The following NLRP14 variants were observed in gnomAD, a reference collection of about 807,000 sequenced individuals.
NLRP14 encodes the protein NLR family pyrin domain containing 14.
NLRP14 carries 105 observed loss-of-function variants against 94.7 expected under a neutral mutation model. That is an observed-to-expected ratio of 1.11 (90% CI 0.95 to 1.30). The LOEUF (loss-of-function observed/expected upper bound fraction) is 1.30. Among genes scored for constraint, NLRP14 ranks in the 50% most tolerant of loss-of-function variants. The pLI is 0.00. For synonymous variants in NLRP14, 508 were observed against 459.9 expected (o/e 1.10, Z -1.34); for missense variants, 1,362 against 1,254.1 (o/e 1.09, Z -1.30).
chr11:7,067,218 GT>G (rs1204124616), intron 10 of NLRP14, among the ~76,000 whole-genome samples: 8 of 152,088 alleles, frequency 5.3e-5, no homozygotes, highest in African/African-American at 1.9e-4. Flanking sequence ...ATTTAAAGTA[GT>G]TTTTTCTAAT....
intron 9 of NLRP14, 59 bp downstream of exon 9, chr11:7,060,123 A>G: frequency 1.4e-6 from 2 of 1,433,284 alleles, no homozygotes; most frequent in South Asian, 2.3e-5. Context: ...CTGGGGAGAT[A>G]CTGAAAGAAA....
At chr11:7,077,873 C>T in the NLRP14 span, among the ~76,000 whole-genome samples, 1 of 151,982 alleles carries the variant, frequency 6.6e-6, no homozygotes, top group Non-Finnish European at 1.5e-5. Flanking sequence ...GGGACACAGC[C>T]AAACCATATC....
At chr11:7,051,086 T>C (rs574627775) in intron 6 of NLRP14, among the ~76,000 whole-genome samples, 1 of 152,356 alleles carries the variant, frequency 6.6e-6, no homozygotes, top group South Asian at 2.1e-4. Context: ...TGTCGTCCGC[T>C]GGTAAGCCTT....
chr11:7,054,404 T>TTTACATAATAGTAGCA (rs1172137113), intron 6 of NLRP14, among the ~76,000 whole-genome samples: 1 of 152,154 alleles, frequency 6.6e-6, no homozygotes, highest in African/African-American at 2.4e-5. Flanking sequence ...ATAATAGTTG[T>TTTACATAATAGTAGCA]GTTAATTTAC....
At chr11:7,038,408 A>G (rs1402035546) in intron 1 of NLRP14, among the ~76,000 whole-genome samples, 158 bp from the exon 2 acceptor site, 2 of 152,236 alleles carry the variant, frequency 1.3e-5, no homozygotes, top group Non-Finnish European at 2.9e-5. Context: ...GAAAGAAGAT[A>G]TATTACAGAG....
chr11:7,087,420 C>G, the NLRP14 span, among the ~76,000 whole-genome samples: 1,559 of 152,082 alleles, frequency 0.01, 23 homozygotes, highest in African/African-American at 0.033. Flanking sequence ...AATAAATGCC[C>G]TCCTTTTTCC....
chr11:7,026,249 C>A (rs1852012639), intron 1 of NLRP14, among the ~76,000 whole-genome samples: 1 of 152,062 alleles, frequency 6.6e-6, no homozygotes, highest in South Asian at 2.1e-4. Flanking sequence ...TTTTCGCAAC[C>A]TACTCATCTG....
chr11:7,042,066 A>T (rs10160485), intron 3 of NLRP14, among the ~76,000 whole-genome samples: 1 of 150,676 alleles, frequency 6.6e-6, no homozygotes, highest in African/African-American at 2.4e-5. Context: ...CTCCACATCT[A>T]TTATCTTTTT....
the NLRP14 span, among the ~76,000 whole-genome samples, chr11:7,086,529 A>C: frequency 0.031 from 4,711 of 152,342 alleles, 134 homozygotes; most frequent in East Asian, 0.13. Flanking sequence ...ATATTGCTTA[A>C]AGGCAGAATT....
intron 11 of NLRP14, among the ~76,000 whole-genome samples, chr11:7,070,715 A>G (rs950670499): frequency 1.3e-5 from 2 of 152,180 alleles, no homozygotes; most frequent in Non-Finnish European, 2.9e-5. Flanking sequence ...AATTAAGGCT[A>G]GTCCCCCATC....
At chr11:7,070,158 T>TTATACTAACTG in intron 10 of NLRP14, 128 bp from the exon 11 acceptor site, 1 of 701,442 alleles carries the variant, frequency 1.4e-6, no homozygotes, top group East Asian at 2.7e-5. Context: ...GTCCTTGAAT[T>TTATACTAACTG]TATACTAACT....
chr11:7,068,528 T>C (rs1466060282), intron 10 of NLRP14, among the ~76,000 whole-genome samples: 2 of 152,234 alleles, frequency 1.3e-5, no homozygotes, highest in Non-Finnish European at 2.9e-5. Context: ...CTTTTCTTTT[T>C]ATATTCAGTC....
In NLRP14 at chr11:7,038,603, C is replaced by G. The variant is rs1192212589; in HGVS notation, c.17C>G (p.Ser6Ter). The change falls in exon 2 of 12, where the codon TCA (serine) becomes TGA (stop). Residue 6 changes from serine (S) to a stop codon, truncating the protein, a stop_gained. Coordinates refer to ENST00000299481, the MANE Select transcript of NLRP14 (RefSeq NM_176822.4). LOFTEE classifies it high-confidence loss of function. ...TTGGACAAGATGGCAGATTCATCAT[C>G]ATCTTCTTTCTTTCCTGATTTTGGG... is the stretch of plus-strand genomic sequence containing the variant. MADSS[S>*]SSFFPDFGLL... is the part of the protein sequence containing the mutation. 1 of 1,613,922 alleles carries G rather than the reference C, an allele frequency of 6.2e-7. No homozygotes were observed. The highest frequency in any genetic ancestry group is 8.5e-7 in the Non-Finnish European group (1 of 1,179,992).
At chr11:7,070,503 G>C (rs769581895) in intron 11 of NLRP14, 47 bp downstream of exon 11, 35 of 1,378,504 alleles carry the variant, frequency 2.5e-5, no homozygotes, top group Non-Finnish European at 3.5e-5. Context: ...TATAATGAGG[G>C]ATTTGGGGAG....
At chr11:7,069,913 CA>C (rs1852766081) in intron 10 of NLRP14, among the ~76,000 whole-genome samples, 1 of 152,188 alleles carries the variant, frequency 6.6e-6, no homozygotes, top group Non-Finnish European at 1.5e-5. Context: ...AGGCATGAGC[CA>C]CCATGCCTGG....
At chr11:7,053,835 T>C (rs1251709134) in intron 6 of NLRP14, among the ~76,000 whole-genome samples, 1 of 152,126 alleles carries the variant, frequency 6.6e-6, no homozygotes, top group East Asian at 1.9e-4. Context: ...TATTTTAAAA[T>C]GTACAATTAT....
intron 5 of NLRP14, among the ~76,000 whole-genome samples, chr11:7,047,768 C>T (rs7940101): frequency 0.87 from 112,866 of 129,394 alleles, 48,546 homozygotes; most frequent in Admixed American, 0.93. Flanking sequence ...CTTTTCTTTT[C>T]TTTTTTTTTT....
chr11:7,021,204 A>G (rs2119531041), intron 1 of NLRP14, among the ~76,000 whole-genome samples: 1 of 152,356 alleles, frequency 6.6e-6, no homozygotes, highest in South Asian at 2.1e-4. Context: ...TCAGCTTAAT[A>G]GGCGTAATAT....
intron 3 of NLRP14, 146 bp downstream of exon 3, chr11:7,039,931 C>T (rs761155428): frequency 1.4e-6 from 1 of 723,738 alleles, no homozygotes; most frequent in Non-Finnish European, 2.5e-6. Context: ...CAAAAAGGAT[C>T]AGCAAAACAC....
Sources: gnomAD v4.1 joint callset for allele counts (sites outside exome capture counted in the v4.1 genomes callset) on GRCh38, gnomAD v4.1.1 for gene constraint, MANE v1.5 for transcripts, NCBI Gene and HGNC (gene_info 2026-07-23, HGNC 2026-07-21) for gene names.